Variants in OPCML observed in about 807,000 individuals in gnomAD.
The protein encoded by OPCML is opioid binding protein/cell adhesion molecule like, also known as opioid-binding protein/cell adhesion molecule.
OPCML carries 13 observed loss-of-function variants against 37.8 expected under a neutral mutation model. That is an observed-to-expected ratio of 0.34 (90% CI 0.22 to 0.55). The LOEUF (loss-of-function observed/expected upper bound fraction) is 0.55, where lower values mean the gene tolerates loss of function less well. Among genes scored for constraint, OPCML ranks in the 20% least tolerant of loss-of-function variants. OPCML has a pLI of 0.91. For synonymous variants in OPCML, 176 were observed against 168.8 expected (o/e 1.04, Z -0.33); for missense variants, 341 against 435.6 (o/e 0.78, Z 1.93).
intron 1 of OPCML, among the ~76,000 whole-genome samples, chr11:133,089,655 T>C (rs1445165435): frequency 2.6e-5 from 4 of 152,104 alleles, no homozygotes; most frequent in African/African-American, 7.2e-5. Context: ...AAGTCCCTGA[T>C]AAATGGTACA....
chr11:133,372,250 A>T (rs1280769367), intron 1 of OPCML, among the ~76,000 whole-genome samples: 1 of 152,222 alleles, frequency 6.6e-6, no homozygotes, highest in Admixed American at 6.5e-5. Flanking sequence ...TGACTTGATC[A>T]TTACATATTT....
chr11:133,108,260 C>G (rs550995304), intron 1 of OPCML, among the ~76,000 whole-genome samples: 1 of 152,280 alleles, frequency 6.6e-6, no homozygotes, highest in South Asian at 2.1e-4. Context: ...TAATATGCAA[C>G]TCAGTTTTCA....
At chr11:132,976,417 A>C (rs992211153) in intron 1 of OPCML, among the ~76,000 whole-genome samples, 1 of 152,182 alleles carries the variant, frequency 6.6e-6, no homozygotes, top group African/African-American at 2.4e-5. Context: ...CCTATAAAAA[A>C]CAGGCAGCCA....
intron 3 of OPCML, among the ~76,000 whole-genome samples, chr11:132,641,910 C>T (rs1940872381): frequency 6.6e-6 from 1 of 152,188 alleles, no homozygotes; most frequent in South Asian, 2.1e-4. Flanking sequence ...TCATTCAGGG[C>T]TCACATCGGC....
In OPCML at chr11:133,291,107, C is replaced by T. The variant is rs186161540; in HGVS notation, c.61+241157G>A. On this transcript the variant is annotated intron_variant, in intron 1 of 7. Coordinates refer to ENST00000524381, the MANE Select transcript of OPCML (RefSeq NM_001012393.5). The stretch of plus-strand genomic sequence containing the variant: ...TAACACCAACATTATTCGTGCCACG[C>T]ACAGCTCAATGCCCAAGGCTGTGTC... 4.1e-3 allele frequency among the ~76,000 whole-genome samples: 631 copies of T among 152,352 alleles called. 5 individuals carry two copies. The highest frequency in any genetic ancestry group is 0.015 in the African/African-American group (604 of 41,572).
intron 1 of OPCML, among the ~76,000 whole-genome samples, chr11:132,958,365 A>C (rs116059453): frequency 0.01 from 1,597 of 152,346 alleles, 22 homozygotes; most frequent in African/African-American, 0.037. Context: ...GATGAGGTTT[A>C]AGGAAAGAAA....
At chr11:133,042,990 A>G (rs560603924) in intron 1 of OPCML, among the ~76,000 whole-genome samples, 2 of 152,306 alleles carry the variant, frequency 1.3e-5, no homozygotes, top group South Asian at 2.1e-4. Context: ...ATTTCCTGCA[A>G]AACACTTGCA....
intron 2 of OPCML, among the ~76,000 whole-genome samples, chr11:132,937,875 C>T (rs772958895): frequency 1.3e-5 from 2 of 151,836 alleles, no homozygotes; most frequent in Non-Finnish European, 2.9e-5. Flanking sequence ...ACTAGTACTA[C>T]TGCTCTTCAC....
chr11:132,720,637 T>A (rs1284061440), intron 2 of OPCML, among the ~76,000 whole-genome samples: 1 of 152,216 alleles, frequency 6.6e-6, no homozygotes, highest in South Asian at 2.1e-4. Context: ...ACCCGGGAAT[T>A]TATTCTGGAT....
At chr11:133,060,473 G>C (rs185249653) in intron 1 of OPCML, among the ~76,000 whole-genome samples, 1 of 152,134 alleles carries the variant, frequency 6.6e-6, no homozygotes. Flanking sequence ...CAGTGCCTGC[G>C]TGCAGGTCTA....
chr11:133,024,646 G>A (rs2136909416), intron 1 of OPCML: 1 of 896,648 alleles, frequency 1.1e-6, no homozygotes, highest in Admixed American at 6.2e-5. Context: ...ACTTTCCCTG[G>A]ACAATTTTGA....
intron 4 of OPCML, among the ~76,000 whole-genome samples, chr11:132,519,612 A>G (rs2096287852): frequency 6.6e-6 from 1 of 152,148 alleles, no homozygotes; most frequent in Non-Finnish European, 1.5e-5. Flanking sequence ...ATATGGCGAA[A>G]AGCACATTGC....
At chr11:133,097,842 T>A (rs1055227325) in intron 1 of OPCML, among the ~76,000 whole-genome samples, 39 of 152,178 alleles carry the variant, frequency 2.6e-4, no homozygotes, top group Non-Finnish European at 1.8e-4. Context: ...AATAGTCCCA[T>A]GTTGACTGAG....
intron 1 of OPCML, among the ~76,000 whole-genome samples, chr11:133,056,454 G>A (rs1345931932): frequency 6.6e-6 from 1 of 152,228 alleles, no homozygotes. Flanking sequence ...TAATCGTGGA[G>A]AGAATGTCTC....
At chr11:133,478,696 A>C (rs1197745483) in intron 1 of OPCML, among the ~76,000 whole-genome samples, 1 of 152,214 alleles carries the variant, frequency 6.6e-6, no homozygotes, top group African/African-American at 2.4e-5. Context: ...CTATAGACAA[A>C]CTAAAACGAT....
intron 1 of OPCML, among the ~76,000 whole-genome samples, chr11:132,982,116 A>T (rs1946601351): frequency 6.6e-6 from 1 of 151,914 alleles, no homozygotes; most frequent in South Asian, 2.1e-4. Context: ...GATTTCCCCA[A>T]TCTCCAGACC....
chr11:133,475,714 T>C (rs1445832980), intron 1 of OPCML, among the ~76,000 whole-genome samples: 1 of 152,158 alleles, frequency 6.6e-6, no homozygotes. Context: ...AGTCTTAACC[T>C]TTGAAAATAT....
chr11:132,566,941 G>A (rs10791236), intron 3 of OPCML, among the ~76,000 whole-genome samples: 98,351 of 149,782 alleles, frequency 0.66, 32,396 homozygotes, highest in Admixed American at 0.73. Flanking sequence ...AGAACACGGT[G>A]CATACGGCAA....
At chr11:133,498,281 G>A (rs12419575) in intron 1 of OPCML, among the ~76,000 whole-genome samples, 31,117 of 152,078 alleles carry the variant, frequency 0.2, 3,604 homozygotes, top group African/African-American at 0.27. Flanking sequence ...TCCAAAGCTG[G>A]CAAGGAAGGC....
Sources: allele counts gnomAD v4.1 joint callset (sites outside exome capture counted in the v4.1 genomes callset), GRCh38; gene constraint gnomAD v4.1.1; transcripts MANE v1.5; gene names NCBI Gene and HGNC (gene_info 2026-07-23, HGNC 2026-07-21).